Variants in KDM6A observed in about 807,000 individuals in gnomAD.
The protein encoded by KDM6A is lysine-specific demethylase 6A.
In KDM6A, 11 loss-of-function variants were observed where a neutral mutation model predicts 117.6. That is an observed-to-expected ratio of 0.09 (90% CI 0.06 to 0.15). The LOEUF (loss-of-function observed/expected upper bound fraction) is 0.15, where lower values mean the gene tolerates loss of function less well. KDM6A is among the 10% of genes least tolerant of loss of function. The pLI is 1.00. For missense variants in KDM6A, 799 were observed against 1,077.3 expected (o/e 0.74, Z 3.62); for synonymous variants, 384 against 396.1 (o/e 0.97, Z 0.36).
intron 2 of KDM6A, among the ~76,000 whole-genome samples, chrX:44,917,676 T>C (rs1160099575): frequency 2.7e-5 from 3 of 111,878 alleles, no homozygotes; most frequent in Non-Finnish European, 5.6e-5. Flanking sequence ...AGAAATAGTA[T>C]AGTATTCTTA....
At chrX:44,987,370 G>C (rs2040290566) in intron 4 of KDM6A, among the ~76,000 whole-genome samples, 4 of 111,522 alleles carry the variant, frequency 3.6e-5, no homozygotes, top group Admixed American at 1.9e-4. Flanking sequence ...CAGTTTGCCA[G>C]TCTGTGTCTT....
intron 3 of KDM6A, among the ~76,000 whole-genome samples, chrX:44,970,387 A>G (rs866541526): frequency 1.8e-5 from 2 of 111,027 alleles, no homozygotes; most frequent in Middle Eastern, 4.7e-3. Flanking sequence ...TCTTTTTTAA[A>G]ATATTTTATT....
intron 2 of KDM6A, among the ~76,000 whole-genome samples, chrX:44,957,372 C>G (rs1194118005): frequency 8.9e-6 from 1 of 111,833 alleles, no homozygotes; most frequent in African/African-American, 3.2e-5. Flanking sequence ...TAGCAAGGCA[C>G]TGACCAAGTT....
chrX:45,074,539 G>A (rs768481236), intron 18 of KDM6A, among the ~76,000 whole-genome samples: 17 of 111,869 alleles, frequency 1.5e-4, no homozygotes, highest in Non-Finnish European at 3.0e-4. Flanking sequence ...TAATAGGCAG[G>A]TAGTCAGCAT....
intron 18 of KDM6A, among the ~76,000 whole-genome samples, chrX:45,075,425 T>A (rs1405185773): frequency 8.9e-6 from 1 of 111,848 alleles, no homozygotes; most frequent in East Asian, 2.8e-4. Context: ...GGACAGAAAA[T>A]TTATTCAACC....
chrX:45,085,960 C>T lies in KDM6A; in HGVS notation c.3685C>T (p.Leu1229=), dbSNP rs1250732112. 1.7e-6 allele frequency: 2 copies of T among 1,170,183 alleles called. No homozygotes were observed. Among genetic ancestry groups the T allele is most frequent in the South Asian group, 3.6e-5 (2 of 56,015 alleles). The change falls in exon 25 of 30, where the codon CTG becomes TTG. Residue 1229 remains leucine, a synonymous_variant. Transcript: ENST00000611820. ...TGTTCCTGAAGGTTACTGGGGTGTT[C>T]TGAATGACTTCTGTGAAAAGTAGGT... is the stretch of plus-strand genomic sequence containing the variant. The part of the protein sequence containing the change: ...FVVPEGYWGV[L]NDFCEKNNLN...
At chrX:45,030,239 A>G (rs906939345) in intron 6 of KDM6A, among the ~76,000 whole-genome samples, 5 of 108,951 alleles carry the variant, frequency 4.6e-5, no homozygotes, top group Non-Finnish European at 7.6e-5. Context: ...GCCAAAAAGA[A>G]GAGCTAGAAC....
At position 45,062,694 on chromosome X, in the gene KDM6A, G is replaced by A; in HGVS notation, c.1629G>A (p.Gln543=). The A allele has an allele frequency of 8.3e-7, 1 of 1,208,534 alleles. No homozygotes were observed. Among genetic ancestry groups the A allele is most frequent in the Non-Finnish European group, 1.1e-6 (1 of 892,419 alleles). The change falls in exon 16 of 30, where the codon CAG becomes CAA. Residue 543 remains glutamine (Q), a synonymous_variant. Transcript: ENST00000611820. ...ATAGAAATAATTTAAATCCAGCACA[G>A]AAACTGATGCTGGAACAGCTGGAAA... The part of the protein sequence containing the change: ...RANRNNLNPA[Q]KLMLEQLESQ...
chrX:44,928,286 C>T (rs2146941931), intron 2 of KDM6A, among the ~76,000 whole-genome samples: 1 of 111,420 alleles, frequency 9.0e-6, no homozygotes, highest in East Asian at 2.8e-4. Context: ...AGGTAACTTT[C>T]AAGTGAATTA....
At chrX:44,902,153 C>T (rs2034390081) in intron 2 of KDM6A, among the ~76,000 whole-genome samples, 1 of 110,878 alleles carries the variant, frequency 9.0e-6, no homozygotes, top group African/African-American at 3.3e-5. Flanking sequence ...TCACTTGAAC[C>T]TGGGAGGCGG....
intron 7 of KDM6A, among the ~76,000 whole-genome samples, chrX:45,035,379 G>C (rs2042767582): frequency 1.8e-5 from 2 of 111,508 alleles, no homozygotes; most frequent in African/African-American, 6.5e-5. Flanking sequence ...AAAATTATTG[G>C]TAATTATGAA....
chrX:44,956,255 A>G (rs932768548), intron 2 of KDM6A, among the ~76,000 whole-genome samples: 2 of 112,210 alleles, frequency 1.8e-5, no homozygotes, highest in Admixed American at 1.9e-4. Context: ...GCTATTCAGA[A>G]CTGATAATGC....
chrX:44,906,437 T>C (rs1392198374), intron 2 of KDM6A, among the ~76,000 whole-genome samples: 1 of 110,474 alleles, frequency 9.1e-6, no homozygotes, highest in African/African-American at 3.3e-5. Flanking sequence ...AGGTGTGAGA[T>C]ACCGTGTATG....
chrX:44,900,057 T>C (rs1313292179), intron 2 of KDM6A, among the ~76,000 whole-genome samples: 1 of 112,341 alleles, frequency 8.9e-6, no homozygotes, highest in Non-Finnish European at 1.9e-5. Flanking sequence ...GATATTTACA[T>C]GCAAAGAAAG....
chrX:45,088,395 T>G (rs1377141404), intron 25 of KDM6A, among the ~76,000 whole-genome samples: 1 of 113,326 alleles, frequency 8.8e-6, no homozygotes, highest in East Asian at 2.8e-4. Context: ...TATTTTCACC[T>G]TTCCTGGTCA....
chrX:45,110,724 G>A (rs1332745602), intron 29 of KDM6A, among the ~76,000 whole-genome samples: 2 of 111,717 alleles, frequency 1.8e-5, no homozygotes, highest in Non-Finnish European at 3.8e-5. Context: ...TAACTTCCTG[G>A]TATATTATGT....
At chrX:45,024,609 A>T (rs903605705) in intron 6 of KDM6A, among the ~76,000 whole-genome samples, 4 of 110,995 alleles carry the variant, frequency 3.6e-5, no homozygotes, top group African/African-American at 1.3e-4. Context: ...TACTCTGCTG[A>T]TTATTTATTT....
intron 17 of KDM6A, among the ~76,000 whole-genome samples, chrX:45,068,915 C>T (rs930105926): frequency 1.0e-4 from 11 of 108,461 alleles, no homozygotes; most frequent in African/African-American, 3.7e-4. Flanking sequence ...AGCCTGGTCT[C>T]GAACTCCTGG....
chrX:45,074,463 T>C (rs1219310296), intron 18 of KDM6A, among the ~76,000 whole-genome samples: 1 of 112,234 alleles, frequency 8.9e-6, no homozygotes, highest in African/African-American at 3.2e-5. Context: ...TTATATTTGC[T>C]ATGCAGAGCA....
Sources: gnomAD v4.1 joint callset for allele counts (sites outside exome capture counted in the v4.1 genomes callset) on GRCh38, gnomAD v4.1.1 for gene constraint, MANE v1.5 for transcripts, NCBI Gene and HGNC (gene_info 2026-07-23, HGNC 2026-07-21) for gene names.